Variants in HMGXB4 observed in about 807,000 individuals in gnomAD.
The protein encoded by HMGXB4 is HMG domain-containing protein 4.
HMGXB4 carries 27 observed loss-of-function variants against 63.9 expected under a neutral mutation model. The observed-to-expected ratio is 0.42, with a 90% CI of 0.31 to 0.58. The LOEUF (loss-of-function observed/expected upper bound fraction) is 0.58. Among genes scored for constraint, HMGXB4 ranks in the 20% least tolerant of loss-of-function variants. The pLI is 0.13. For missense variants in HMGXB4, 624 were observed against 700.7 expected (o/e 0.89, Z 1.24); for synonymous variants, 264 against 265.3 (o/e 0.99, Z 0.05).
chr22:35,281,307 C>G, intron 5 of HMGXB4, among the ~76,000 whole-genome samples: 1 of 152,206 alleles, frequency 6.6e-6, no homozygotes, highest in South Asian at 2.1e-4. Flanking sequence ...TGCAGCTTAA[C>G]TTCCTTAGAA....
At chr22:35,252,948 C>T (rs369057922), upstream of HMGXB4, among the ~76,000 whole-genome samples, 249 of 152,068 alleles carry the variant, frequency 1.6e-3, 1 homozygote, top group Middle Eastern at 0.027. Flanking sequence ...AGCTGGCCAA[C>T]ATGTGAAACC....
chr22:35,291,879 C>T (rs534202041), intron 9 of HMGXB4, among the ~76,000 whole-genome samples: 1 of 152,246 alleles, frequency 6.6e-6, no homozygotes, highest in South Asian at 2.1e-4. Flanking sequence ...TAACCTCTTA[C>T]TGTACTGCTG....
At chr22:35,245,280 T>G in the HMGXB4 span, among the ~76,000 whole-genome samples, 1 of 151,278 alleles carries the variant, frequency 6.6e-6, no homozygotes, top group Non-Finnish European at 1.5e-5. Flanking sequence ...TTTTGTTAGC[T>G]CTTCTATATA....
chr22:35,277,377 T>C (rs898358566), intron 5 of HMGXB4, among the ~76,000 whole-genome samples: 5 of 152,230 alleles, frequency 3.3e-5, no homozygotes, highest in African/African-American at 1.2e-4. Flanking sequence ...TGAGACACTT[T>C]TACTCATGTT....
chr22:35,283,488 G>A (rs998900807), intron 5 of HMGXB4, among the ~76,000 whole-genome samples: 1 of 152,130 alleles, frequency 6.6e-6, no homozygotes, highest in Non-Finnish European at 1.5e-5. Flanking sequence ...AAGTAACATG[G>A]ATTAAAAATG....
chr22:35,243,474 G>A, the HMGXB4 span, among the ~76,000 whole-genome samples: 838 of 152,272 alleles, frequency 5.5e-3, 10 homozygotes, highest in African/African-American at 0.019. Flanking sequence ...AGTCAAGTTG[G>A]TAAGTAAATG....
intron 8 of HMGXB4, 62 bp downstream of exon 8, chr22:35,287,514 G>A: frequency 2.5e-6 from 3 of 1,184,644 alleles, no homozygotes; most frequent in Admixed American, 1.9e-5. Context: ...TCCTTGCTAA[G>A]AAACTGGGAA....
chr22:35,280,486 T>C (rs1378614725), intron 5 of HMGXB4, among the ~76,000 whole-genome samples: 3 of 152,182 alleles, frequency 2.0e-5, no homozygotes. Context: ...GTTTATTTGC[T>C]TTTCTCCCAA....
chr22:35,278,035 A>C (rs186145593), intron 5 of HMGXB4, among the ~76,000 whole-genome samples: 8 of 152,260 alleles, frequency 5.3e-5, no homozygotes, highest in Admixed American at 2.0e-4. Context: ...CCTGGCAGCC[A>C]CTGACCTTTT....
At chr22:35,264,117 C>G (rs1038641369) in intron 4 of HMGXB4, 26 of 1,412,986 alleles carry the variant, frequency 1.8e-5, no homozygotes, top group Middle Eastern at 2.5e-4. Flanking sequence ...CCTTCTCCCC[C>G]CAATCATCCA....
chr22:35,262,804 A>T (rs957995804), intron 2 of HMGXB4: 2 of 524,088 alleles, frequency 3.8e-6, no homozygotes, highest in Admixed American at 3.6e-5. Flanking sequence ...GTGTCCTCCT[A>T]CCAAATCACA....
the HMGXB4 span, among the ~76,000 whole-genome samples, chr22:35,250,485 C>T: frequency 0.63 from 95,944 of 151,882 alleles, 31,417 homozygotes; most frequent in Non-Finnish European, 0.73. Flanking sequence ...GAGAACTCAC[C>T]CATTACAGGA....
the HMGXB4 span, among the ~76,000 whole-genome samples, chr22:35,245,080 G>C: frequency 6.6e-6 from 1 of 152,022 alleles, no homozygotes; most frequent in Non-Finnish European, 1.5e-5. Flanking sequence ...CACCATGTTG[G>C]CCAGGCTGGT....
At chr22:35,269,564 A>T (rs1330928410) in intron 5 of HMGXB4, among the ~76,000 whole-genome samples, 2 of 152,238 alleles carry the variant, frequency 1.3e-5, no homozygotes, top group African/African-American at 4.8e-5. Flanking sequence ...CATAGTACTG[A>T]AAAGGTAGGT....
upstream of HMGXB4, among the ~76,000 whole-genome samples, chr22:35,257,186 T>C (rs1193341552): frequency 6.6e-6 from 1 of 152,174 alleles, no homozygotes; most frequent in Non-Finnish European, 1.5e-5. Context: ...AGACTTGGAG[T>C]AATACTCGGT....
intron 1 of HMGXB4, chr22:35,258,424 T>A (rs942181147): frequency 2.6e-5 from 4 of 152,258 alleles, no homozygotes; most frequent in African/African-American, 9.6e-5. Flanking sequence ...AGCCTGTTGA[T>A]TGGACAAGGC....
chr22:35,250,483 A>G, the HMGXB4 span, among the ~76,000 whole-genome samples: 1 of 152,106 alleles, frequency 6.6e-6, no homozygotes, highest in African/African-American at 2.4e-5. Flanking sequence ...GAGAGAACTC[A>G]CCCATTACAG....
upstream of HMGXB4, among the ~76,000 whole-genome samples, chr22:35,252,475 C>T (rs1922231834): frequency 6.6e-6 from 1 of 152,172 alleles, no homozygotes; most frequent in Non-Finnish European, 1.5e-5. Context: ...ATATTTGTCC[C>T]TCTGTGATGG....
At chr22:35,246,062 A>G in the HMGXB4 span, among the ~76,000 whole-genome samples, 1 of 152,098 alleles carries the variant, frequency 6.6e-6, no homozygotes. Context: ...TGGCTGGGTG[A>G]GAGTGGGGCC....
Sources: gnomAD v4.1 joint callset for allele counts (sites outside exome capture counted in the v4.1 genomes callset) on GRCh38, gnomAD v4.1.1 for gene constraint, MANE v1.5 for transcripts, NCBI Gene and HGNC (gene_info 2026-07-23, HGNC 2026-07-21) for gene names.